Variants in HUNK observed in about 807,000 individuals in gnomAD.
HUNK encodes the protein hormonally up-regulated neu tumor-associated kinase.
In HUNK, 21 loss-of-function variants were observed where a neutral mutation model predicts 61.0. The observed-to-expected ratio is 0.34, with a 90% confidence interval of 0.24 to 0.50. HUNK has a LOEUF of 0.50. HUNK is among the 20% of genes least tolerant of loss of function. The pLI is 0.98. For missense variants in HUNK, 772 were observed against 945.7 expected (o/e 0.82, Z 2.41); for synonymous variants, 371 against 386.1 (o/e 0.96, Z 0.46).
At chr21:31,930,004 G>A (rs1232002976) in intron 2 of HUNK, among the ~76,000 whole-genome samples, 1 of 152,210 alleles carries the variant, frequency 6.6e-6, no homozygotes, top group Non-Finnish European at 1.5e-5. Flanking sequence ...GCACATATCT[G>A]GAGGCATCAG....
At chr21:31,934,120 A>T (rs1430285305) in intron 2 of HUNK, among the ~76,000 whole-genome samples, 1 of 152,132 alleles carries the variant, frequency 6.6e-6, no homozygotes, top group African/African-American at 2.4e-5. Flanking sequence ...ATTCTGGATA[A>T]TATAGGCTTG....
chr21:31,901,476 A>T (rs182332479), intron 1 of HUNK, among the ~76,000 whole-genome samples: 17 of 152,274 alleles, frequency 1.1e-4, no homozygotes, highest in Admixed American at 1.1e-3. Flanking sequence ...GGCAGGAATG[A>T]TGAGCTTGGG....
chr21:31,930,401 C>T (rs2052688467), intron 2 of HUNK, among the ~76,000 whole-genome samples: 1 of 152,194 alleles, frequency 6.6e-6, no homozygotes. Context: ...AGCTGAGACC[C>T]ACAGTTCTCC....
At chr21:31,945,051 CGA>C (rs138327778) in intron 3 of HUNK, among the ~76,000 whole-genome samples, 11,692 of 152,110 alleles carry the variant, frequency 0.077, 606 homozygotes, top group South Asian at 0.18. Flanking sequence ...TGAGAAAGTG[CGA>C]GAGTTTTGTT....
intron 1 of HUNK, among the ~76,000 whole-genome samples, chr21:31,883,482 T>C (rs2052324215): frequency 6.6e-6 from 1 of 152,234 alleles, no homozygotes; most frequent in African/African-American, 2.4e-5. Context: ...GGCCTTTTTC[T>C]TATTGATTTA....
intron 8 of HUNK, among the ~76,000 whole-genome samples, chr21:31,986,379 C>T (rs1366791342): frequency 3.3e-5 from 5 of 152,118 alleles, no homozygotes; most frequent in Non-Finnish European, 5.9e-5. Context: ...GTCTCCATCC[C>T]CACACCTGGT....
chr21:31,997,334 G>T (rs9985101), intron 10 of HUNK, among the ~76,000 whole-genome samples: 14,416 of 152,248 alleles, frequency 0.095, 953 homozygotes, highest in Non-Finnish European at 0.15. Context: ...TAACTGTATG[G>T]ATGGATGATA....
At chr21:31,926,402 G>T (rs974819740) in intron 2 of HUNK, among the ~76,000 whole-genome samples, 1 of 151,990 alleles carries the variant, frequency 6.6e-6, no homozygotes, top group Admixed American at 6.6e-5. Flanking sequence ...GTTTTTTAGT[G>T]TATTCACAGA....
intron 1 of HUNK, among the ~76,000 whole-genome samples, chr21:31,875,073 G>C (rs2052249930): frequency 6.6e-6 from 1 of 152,202 alleles, no homozygotes; most frequent in Non-Finnish European, 1.5e-5. Context: ...CAGCTCCTTT[G>C]TGTGGTCCGT....
chr21:31,937,303 G>A (rs142470123), intron 2 of HUNK, among the ~76,000 whole-genome samples: 11 of 152,268 alleles, frequency 7.2e-5, no homozygotes, highest in Middle Eastern at 3.4e-3. Flanking sequence ...TGATGACTTT[G>A]GGTGCTCTAG....
rs534370710 is a variant in HUNK at position 31,968,267 on chromosome 21, C to T, written c.892C>T (p.Arg298Cys). 5.0e-6 allele frequency: 8 copies of T among 1,614,196 alleles called. No individual in the cohort carries two copies. The highest frequency in any genetic ancestry group is 1.3e-5 in the African/African-American group (1 of 75,056). The part of the protein sequence containing the change: ...QLSTGAISFL[R>C]SLLEPDPVKR... ...TCTCCCAGGTGCCATCAGTTTCCTG[C>T]GCTCTCTCCTGGAACCGGATCCTGT... Residue 298 changes from arginine to cysteine, a missense_variant, in exon 6 of 11, where the codon CGC (arginine) becomes TGC (cysteine). Physicochemically the swap from Arg to Cys is radical, Grantham distance 180. Coordinates refer to ENST00000270112, the MANE Select transcript of HUNK (RefSeq NM_014586.2).
chr21:31,895,841 A>C (rs2052421156), intron 1 of HUNK, among the ~76,000 whole-genome samples: 1 of 152,184 alleles, frequency 6.6e-6, no homozygotes, highest in Admixed American at 6.5e-5. Flanking sequence ...TGTATCTGTC[A>C]AGGTGTTTGC....
intron 10 of HUNK, among the ~76,000 whole-genome samples, chr21:31,996,177 GTAT>G (rs2053204553): frequency 6.6e-6 from 1 of 152,236 alleles, no homozygotes; most frequent in South Asian, 2.1e-4. Flanking sequence ...GGGGTGCAAA[GTAT>G]TACGGAAACA....
At chr21:31,923,983 C>T (rs2052642380) in intron 1 of HUNK, among the ~76,000 whole-genome samples, 1 of 152,030 alleles carries the variant, frequency 6.6e-6, no homozygotes, top group Non-Finnish European at 1.5e-5. Context: ...GGCAGTGTCC[C>T]CCAACCATGC....
At chr21:31,995,302 T>C (rs1172889083) in intron 9 of HUNK, among the ~76,000 whole-genome samples, 2 of 152,208 alleles carry the variant, frequency 1.3e-5, no homozygotes, top group Non-Finnish European at 2.9e-5. Context: ...TTGTTGTATA[T>C]GTTGTGTTGG....
chr21:31,892,101 G>A (rs2052391193), intron 1 of HUNK, among the ~76,000 whole-genome samples: 1 of 145,438 alleles, frequency 6.9e-6, no homozygotes, highest in African/African-American at 2.6e-5. Context: ...TTCTGTATCT[G>A]CAAAATGGTG....
chr21:31,994,299 G>C (rs570135321), intron 9 of HUNK, among the ~76,000 whole-genome samples: 24 of 152,324 alleles, frequency 1.6e-4, no homozygotes, highest in African/African-American at 5.8e-4. Flanking sequence ...AGTGGCACTT[G>C]CCACGAGGCT....
intron 1 of HUNK, among the ~76,000 whole-genome samples, chr21:31,879,236 G>A (rs7275559): frequency 0.044 from 6,624 of 152,212 alleles, 505 homozygotes; most frequent in African/African-American, 0.15. Context: ...AGGGGTAATC[G>A]CTCTGAGGAA....
At chr21:31,905,395 G>A (rs181147564) in intron 1 of HUNK, among the ~76,000 whole-genome samples, 3 of 152,246 alleles carry the variant, frequency 2.0e-5, no homozygotes, top group African/African-American at 7.2e-5. Flanking sequence ...ACTTTGTTGT[G>A]ACAGCCCTAG....
Sources: allele counts gnomAD v4.1 joint callset (sites outside exome capture counted in the v4.1 genomes callset), GRCh38; gene constraint gnomAD v4.1.1; transcripts MANE v1.5; gene names NCBI Gene and HGNC (gene_info 2026-07-23, HGNC 2026-07-21).